The following GALNT14 variants were observed in gnomAD, a reference collection of about 807,000 sequenced individuals.
The protein encoded by GALNT14 is polypeptide N-acetylgalactosaminyltransferase 14.
A neutral mutation model predicts 77.5 loss-of-function variants in GALNT14; 60 were observed. That is an observed-to-expected ratio of 0.77 (90% CI 0.63 to 0.96). The LOEUF is 0.96. Ranked by LOEUF, GALNT14 falls within the 40% of genes least tolerant of loss-of-function variation. GALNT14 has a pLI of 0.00. For synonymous variants in GALNT14, 280 were observed against 281.7 expected (o/e 0.99, Z 0.06); for missense variants, 710 against 731.0 (o/e 0.97, Z 0.33).
At chr2:30,938,664 G>A (rs1405383842) in intron 9 of GALNT14, among the ~76,000 whole-genome samples, 2 of 152,192 alleles carry the variant, frequency 1.3e-5, no homozygotes, top group Admixed American at 6.5e-5. Flanking sequence ...GTCAGGGCAC[G>A]TGAGTGTATG....
At chr2:31,067,277 C>T (rs1294729185) in intron 1 of GALNT14, among the ~76,000 whole-genome samples, 1 of 152,142 alleles carries the variant, frequency 6.6e-6, no homozygotes, top group Non-Finnish European at 1.5e-5. Flanking sequence ...CTCTGAACTT[C>T]CAGCCATGCA....
At chr2:30,909,073 G>A (rs979385423), downstream of GALNT14, among the ~76,000 whole-genome samples, 3 of 152,018 alleles carry the variant, frequency 2.0e-5, no homozygotes, top group Non-Finnish European at 2.9e-5. Flanking sequence ...ATGGATTAAA[G>A]ACTTAAATGT....
chr2:30,915,030 C>T (rs774636695), intron 13 of GALNT14, among the ~76,000 whole-genome samples: 1 of 152,218 alleles, frequency 6.6e-6, no homozygotes, highest in Non-Finnish European at 1.5e-5. Context: ...TAGGGAACCA[C>T]AAATTAGTAT....
chr2:30,891,398 G>C, the GALNT14 span, among the ~76,000 whole-genome samples: 2 of 152,210 alleles, frequency 1.3e-5, no homozygotes, highest in Admixed American at 1.3e-4. Context: ...TTTACTAACA[G>C]GTGGGGGGTC....
chr2:30,985,861 T>C (rs1206991393), intron 2 of GALNT14, among the ~76,000 whole-genome samples: 1 of 152,222 alleles, frequency 6.6e-6, no homozygotes, highest in African/African-American at 2.4e-5. Context: ...AACGCTGTGC[T>C]GAGCTAGTGG....
chr2:30,954,692 G>A (rs1667249410), intron 6 of GALNT14, among the ~76,000 whole-genome samples: 1 of 152,206 alleles, frequency 6.6e-6, no homozygotes, highest in African/African-American at 2.4e-5. Flanking sequence ...ATGTCATTAT[G>A]CAGGTAGGAG....
Position 31,117,485 on chromosome 2 carries a change from T to G in GALNT14, c.129+20473A>C, listed in dbSNP as rs541797543. ...ATTAATGACTACAAATGAAATGTAA[T>G]AGGAAGGTACATAAATGCAAAAACT... On this transcript the variant is annotated intron_variant, in intron 1 of 14. Coordinates refer to ENST00000349752, the MANE Select transcript of GALNT14 (RefSeq NM_024572.4). Among the ~76,000 whole-genome samples the G allele has an allele frequency of 2.6e-5, 4 of 152,240 alleles. No individual in the cohort carries two copies. The South Asian group carries it at 8.3e-4, about 32-fold the overall frequency.
chr2:30,935,420 G>A (rs1454169464), intron 9 of GALNT14, among the ~76,000 whole-genome samples: 1 of 152,134 alleles, frequency 6.6e-6, no homozygotes, highest in African/African-American at 2.4e-5. Flanking sequence ...CACTCATCCA[G>A]TCCTGAAGGA....
chr2:31,004,265 G>C (rs1020177913), intron 1 of GALNT14, among the ~76,000 whole-genome samples: 2 of 152,150 alleles, frequency 1.3e-5, no homozygotes, highest in Non-Finnish European at 2.9e-5. Flanking sequence ...ATCCACAGGG[G>C]ACTCAGGAAA....
At chr2:31,001,957 A>G (rs1670391076) in intron 1 of GALNT14, among the ~76,000 whole-genome samples, 1 of 152,240 alleles carries the variant, frequency 6.6e-6, no homozygotes, top group Non-Finnish European at 1.5e-5. Flanking sequence ...AATAATAATG[A>G]TGGAAAGTCA....
chr2:31,131,071 G>A (rs1055740156), intron 1 of GALNT14, among the ~76,000 whole-genome samples: 2 of 152,150 alleles, frequency 1.3e-5, no homozygotes, highest in Non-Finnish European at 2.9e-5. Flanking sequence ...AGAGTGAGCT[G>A]CTCCCATTTC....
At chr2:31,005,613 A>C (rs117962005) in intron 1 of GALNT14, among the ~76,000 whole-genome samples, 1 of 152,212 alleles carries the variant, frequency 6.6e-6, no homozygotes, top group African/African-American at 2.4e-5. Flanking sequence ...CGCAATTTAC[A>C]GTCAGTCAAT....
intron 13 of GALNT14, among the ~76,000 whole-genome samples, chr2:30,921,109 A>G (rs1665006360): frequency 6.6e-6 from 1 of 152,074 alleles, no homozygotes; most frequent in Admixed American, 6.5e-5. Context: ...GATGGGCACT[A>G]TTACCTTCTG....
intron 1 of GALNT14, among the ~76,000 whole-genome samples, chr2:31,022,345 G>T (rs1573180977): frequency 6.6e-6 from 1 of 152,326 alleles, no homozygotes; most frequent in Admixed American, 6.5e-5. Flanking sequence ...GGGGATGGTG[G>T]GATGCTGGGC....
chr2:30,983,303 TCA>T (rs1245769159), intron 2 of GALNT14, among the ~76,000 whole-genome samples: 4 of 151,018 alleles, frequency 2.6e-5, no homozygotes, highest in African/African-American at 7.3e-5. Flanking sequence ...GGGCACACTT[TCA>T]GTCTGTTTTT....
At chr2:31,108,247 C>T (rs974046975) in intron 1 of GALNT14, among the ~76,000 whole-genome samples, 5 of 152,222 alleles carry the variant, frequency 3.3e-5, no homozygotes, top group Non-Finnish European at 5.9e-5. Flanking sequence ...GGCCCCAGGA[C>T]TCCACCATCA....
chr2:31,010,604 G>A (rs1474022443), intron 1 of GALNT14, among the ~76,000 whole-genome samples: 1 of 152,132 alleles, frequency 6.6e-6, no homozygotes, highest in African/African-American at 2.4e-5. Context: ...AACAGAGAGA[G>A]ACTCTGTCTC....
chr2:30,926,571 A>G (rs1444223994), intron 11 of GALNT14, among the ~76,000 whole-genome samples: 1 of 152,190 alleles, frequency 6.6e-6, no homozygotes, highest in East Asian at 1.9e-4. Flanking sequence ...GCTTAATGCC[A>G]GAGAGAATAT....
chr2:31,061,683 A>AC lies in GALNT14; in HGVS notation c.130-68677dup, dbSNP rs11306176. ...CCCTAAGAAACCTGATACTCCAAGT[A>AC]CCCCCAGACCACTGTGCAACCTCAA... On this transcript the variant is annotated intron_variant, in intron 1 of 14. Coordinates refer to ENST00000349752, the MANE Select transcript of GALNT14 (RefSeq NM_024572.4). 5.1e-4 allele frequency among the ~76,000 whole-genome samples: 78 copies of AC among 152,000 alleles called. 1 individual carries two copies. The East Asian group carries it at 0.015, about 29-fold the overall frequency.
Sources: gnomAD v4.1 joint callset for allele counts (sites outside exome capture counted in the v4.1 genomes callset) on GRCh38, gnomAD v4.1.1 for gene constraint, MANE v1.5 for transcripts, NCBI Gene and HGNC (gene_info 2026-07-23, HGNC 2026-07-21) for gene names.